Variants in ITSN1 observed in about 807,000 individuals in gnomAD.
The protein encoded by ITSN1 is intersectin 1, also known as intersectin-1.
A neutral mutation model predicts 239.8 loss-of-function variants in ITSN1; 58 were observed. The observed-to-expected ratio is 0.24, with a 90% CI of 0.20 to 0.30. ITSN1 has a LOEUF of 0.30. Among genes scored for constraint, ITSN1 ranks in the 10% least tolerant of loss-of-function variants. The pLI is 1.00. For missense variants in ITSN1, 1,558 were observed against 2,103.3 expected (o/e 0.74, Z 5.07); for synonymous variants, 780 against 770.8 (o/e 1.01, Z -0.20).
intron 1 of ITSN1, among the ~76,000 whole-genome samples, chr21:33,659,170 A>T (rs1464782267): frequency 1.3e-5 from 2 of 152,198 alleles, no homozygotes; most frequent in African/African-American, 2.4e-5. Flanking sequence ...AAGCCCTGGA[A>T]CTGTGAGGTT....
At chr21:33,713,263 G>A (rs551687741) in intron 1 of ITSN1, among the ~76,000 whole-genome samples, 8 of 151,262 alleles carry the variant, frequency 5.3e-5, no homozygotes, top group Admixed American at 2.0e-4. Flanking sequence ...TTTTTGAGAC[G>A]GAGTCTTGCT....
At position 33,763,626 on chromosome 21, in the gene ITSN1, TTTTTG is replaced by T. The variant is rs1180092441; in HGVS notation, c.788+1648_788+1652del. 2.6e-5 allele frequency among the ~76,000 whole-genome samples: 4 copies of T among 152,296 alleles called. No individual in the cohort carries two copies. The South Asian group carries it at 8.3e-4, about 32-fold the overall frequency. Reference sequence around the variant, plus strand: ...AATTGCGGATCAGATTTGATTTTTTTTTTTGTTTTGTTGTTTTGTTTTTGATAAGA... The same window carrying T: ...AATTGCGGATCAGATTTGATTTTTTTTTTTGTTGTTTTGTTTTTGATAAGA... On this transcript the variant is annotated intron_variant, in intron 9 of 39. Coordinates refer to ENST00000381318, the MANE Select transcript of ITSN1 (RefSeq NM_003024.3).
chr21:33,712,567 C>G (rs2092445944), intron 1 of ITSN1, among the ~76,000 whole-genome samples: 5 of 152,228 alleles, frequency 3.3e-5, no homozygotes, highest in Admixed American at 2.6e-4. Flanking sequence ...TTTCCCCACA[C>G]TTTACAGCCC....
intron 36 of ITSN1, 48 bp from the exon 37 acceptor site, chr21:33,884,992 CT>C: frequency 5.6e-6 from 8 of 1,429,598 alleles, no homozygotes; most frequent in South Asian, 1.2e-5. Flanking sequence ...GACCTGAAGC[CT>C]TTTTCCTGAG....
chr21:33,861,838 C>G (rs571962718), intron 31 of ITSN1, among the ~76,000 whole-genome samples: 2 of 151,540 alleles, frequency 1.3e-5, no homozygotes, highest in African/African-American at 4.9e-5. Context: ...CCCAGCTACT[C>G]GGGAGGCTGA....
intron 16 of ITSN1, among the ~76,000 whole-genome samples, chr21:33,785,875 A>G (rs1254457660): frequency 6.6e-6 from 1 of 152,240 alleles, no homozygotes; most frequent in Non-Finnish European, 1.5e-5. Context: ...ATTCAAAAAA[A>G]GATCCTAAGA....
At chr21:33,700,447 A>G (rs1339291234) in intron 1 of ITSN1, among the ~76,000 whole-genome samples, 1 of 151,964 alleles carries the variant, frequency 6.6e-6, no homozygotes, top group East Asian at 1.9e-4. Context: ...GGCCTCTAAT[A>G]CCTTCTAGCC....
At chr21:33,814,262 G>C in intron 22 of ITSN1, 190 bp downstream of exon 22, 3 of 455,392 alleles carry the variant, frequency 6.6e-6, no homozygotes, top group East Asian at 3.9e-5. Flanking sequence ...GGTGGGGGTG[G>C]GACACAGTCA....
intron 4 of ITSN1, among the ~76,000 whole-genome samples, chr21:33,728,007 G>T (rs556845363): frequency 6.8e-6 from 1 of 147,920 alleles, no homozygotes; most frequent in Admixed American, 6.8e-5. Context: ...TCACTCTGTC[G>T]CCCAAGCTGG....
At chr21:33,801,958 CTCA>C (rs2072036784) in intron 19 of ITSN1, among the ~76,000 whole-genome samples, 1 of 152,156 alleles carries the variant, frequency 6.6e-6, no homozygotes, top group Non-Finnish European at 1.5e-5. Context: ...CTCATACTGC[CTCA>C]TATTTGAAGT....
At chr21:33,697,464 C>G (rs2091847778) in intron 1 of ITSN1, among the ~76,000 whole-genome samples, 1 of 151,914 alleles carries the variant, frequency 6.6e-6, no homozygotes, top group African/African-American at 2.4e-5. Context: ...TAGGCCATTA[C>G]ATTTTTTTTT....
At chr21:33,806,286 G>A (rs190233764) in intron 20 of ITSN1, among the ~76,000 whole-genome samples, 11 of 152,236 alleles carry the variant, frequency 7.2e-5, no homozygotes, top group Admixed American at 1.3e-4. Context: ...CAAATCCATG[G>A]AAAATGTTTT....
At chr21:33,832,418 G>A (rs151111932) in intron 27 of ITSN1, among the ~76,000 whole-genome samples, 137 of 152,330 alleles carry the variant, frequency 9.0e-4, no homozygotes, top group African/African-American at 2.1e-3. Flanking sequence ...GGCAGCAGCC[G>A]TATTTTTCAG....
At chr21:33,815,355 G>T (rs1023778177) in intron 22 of ITSN1, among the ~76,000 whole-genome samples, 1 of 152,006 alleles carries the variant, frequency 6.6e-6, no homozygotes, top group Non-Finnish European at 1.5e-5. Context: ...CATTTAGCAC[G>T]TGTCACATGC....
Position 33,867,239 on chromosome 21 carries a change from G to T in ITSN1, c.4081G>T (p.Ala1361Ser). 6.2e-7 allele frequency: 1 copy of T among 1,601,078 alleles called. No homozygotes were observed. Among genetic ancestry groups the T allele is most frequent in the Non-Finnish European group, 8.6e-7 (1 of 1,168,280 alleles). The part of the protein sequence containing the change: ...PDFKEFVKRL[A>S]MDPRCKGMPL... ...TAAAAACATCTCATTTCAGAGATTG[G>T]CAATGGATCCTCGGTGTAAAGGGAT... is the stretch of plus-strand genomic sequence containing the variant. The change falls in exon 33 of 40, where the codon GCA (alanine) becomes TCA (serine). Residue 1361 changes from alanine (A) to serine (S), a missense_variant. Around this residue, in one of 2 missense-constraint regions of ITSN1, gnomAD observed 576 missense variants for 893.3 expected, o/e 0.64. Coordinates refer to ENST00000381318, the MANE Select transcript of ITSN1 (RefSeq NM_003024.3).
At position 33,836,480 on chromosome 21, in the gene ITSN1, A is replaced by G. The variant is rs773476019; in HGVS notation, c.3509A>G (p.Asn1170Ser). 1.2e-6 allele frequency: 2 copies of G among 1,613,970 alleles called. No homozygotes were observed. The highest frequency in any genetic ancestry group is 1.7e-6 in the Non-Finnish European group (2 of 1,179,894). The change falls in exon 29 of 40, where the codon AAT (asparagine) becomes AGT (serine). Residue 1170 changes from asparagine (N) to serine (S), a missense_variant. Physicochemically the swap from Asn to Ser is conservative, Grantham distance 46 (BLOSUM62 1). This residue lies in a region of ITSN1 where 576 missense variants were observed against 893.3 expected (regional missense o/e 0.64). Transcript: ENST00000381318. ...VIGMYDYTAQNDDELAFNKGQ... is the reference protein window; with the variant it reads ...VIGMYDYTAQSDDELAFNKGQ... The stretch of plus-strand genomic sequence containing the variant: ...GGGATGTACGACTACACCGCGCAGA[A>G]TGACGATGAGCTGGCCTTCAACAAG...
intron 1 of ITSN1, among the ~76,000 whole-genome samples, chr21:33,706,325 G>T (rs192574338): frequency 3.3e-5 from 5 of 152,056 alleles, no homozygotes; most frequent in African/African-American, 1.2e-4. Context: ...TTAATTGATG[G>T]CATTTTAAAG....
At chr21:33,821,657 G>T (rs1246147087) in intron 24 of ITSN1, among the ~76,000 whole-genome samples, 1 of 152,160 alleles carries the variant, frequency 6.6e-6, no homozygotes, top group East Asian at 1.9e-4. Flanking sequence ...GGCAGGGCAA[G>T]GCCAGCCTCA....
rs943879635 is a variant in ITSN1, at chr21:33,868,482, C to A, written c.4173+1151C>A. Among the ~76,000 whole-genome samples, 3 of 152,230 alleles carry A rather than the reference C, an allele frequency of 2.0e-5. No homozygotes were observed. In the East Asian group the frequency reaches 5.8e-4, roughly 29 times the overall value. ...GCCCCGCGGGAAGGCAGCTAAGGCC[C>A]GCTGAGAAATCGAGCGCAGCGCCGG... On this transcript the variant is annotated intron_variant, in intron 33 of 39. Coordinates refer to ENST00000381318, the MANE Select transcript of ITSN1 (RefSeq NM_003024.3).
Sources: allele counts gnomAD v4.1 joint callset (sites outside exome capture counted in the v4.1 genomes callset), GRCh38; gene constraint gnomAD v4.1.1; regional missense constraint gnomAD v4.1.1; transcripts MANE v1.5; gene names NCBI Gene and HGNC (gene_info 2026-07-23, HGNC 2026-07-21).